Variants in DNAH3 observed in about 807,000 individuals in gnomAD.
The protein encoded by DNAH3 is axonemal beta dynein heavy chain 3.
In DNAH3, 332 loss-of-function variants were observed where a neutral mutation model predicts 432.5. That is an observed-to-expected ratio of 0.77 (90% CI 0.70 to 0.84). The LOEUF (loss-of-function observed/expected upper bound fraction) is 0.84, where lower values mean the gene tolerates loss of function less well. Among genes scored for constraint, DNAH3 ranks in the 40% least tolerant of loss-of-function variants. DNAH3 has a pLI of 0.00. For synonymous variants in DNAH3, 1,956 were observed against 1,900.2 expected (o/e 1.03, Z -0.76); for missense variants, 4,861 against 5,114.0 (o/e 0.95, Z 1.51).
chr16:20,936,375 C>T (rs111279554), intron 60 of DNAH3, among the ~76,000 whole-genome samples: 1 of 152,170 alleles, frequency 6.6e-6, no homozygotes, highest in African/African-American at 2.4e-5. Flanking sequence ...AGGCTGGTGT[C>T]GAACTCCTGA....
exon 47 of DNAH3, chr16:20,987,400 A>C (rs763857252): frequency 6.2e-7 from 1 of 1,614,232 alleles, no homozygotes; most frequent in Admixed American, 1.7e-5. Flanking sequence ...CGATCATAGA[A>C]GACCCGATAA....
intron 10 of DNAH3, 88 bp downstream of exon 11, chr16:21,121,856 CA>C: frequency 8.7e-7 from 1 of 1,147,866 alleles, no homozygotes; most frequent in South Asian, 1.7e-5. Context: ...CTGAATATCC[CA>C]GCGACCTGAC....
chr16:21,008,435 C>A (rs780298056), intron 41 of DNAH3, among the ~76,000 whole-genome samples: 2 of 151,850 alleles, frequency 1.3e-5, no homozygotes, highest in Non-Finnish European at 2.9e-5. Flanking sequence ...GAGCACTGTA[C>A]CCTCTCTCTG....
exon 53 of DNAH3, chr16:20,963,718 G>A (rs148148954): frequency 9.4e-5 from 152 of 1,614,038 alleles, no homozygotes; most frequent in Non-Finnish European, 1.1e-4. Context: ...CACCTCCTCC[G>A]TAATTTCCTT....
intron 44 of DNAH3, among the ~76,000 whole-genome samples, chr16:20,995,934 G>A (rs182078406): frequency 6.6e-6 from 1 of 152,326 alleles, no homozygotes; most frequent in East Asian, 1.9e-4. Context: ...TTCCTCTCAG[G>A]TCCATTCCTT....
intron 61 of DNAH3, 62 bp downstream of exon 61, chr16:20,935,278 CATAAGGAA>C: frequency 6.3e-7 from 1 of 1,580,488 alleles, no homozygotes; most frequent in East Asian, 2.2e-5. Context: ...TTTTTTGACT[CATAAGGAA>C]ATTGGCAACA....
At chr16:21,059,811 G>A (rs1281206149) in intron 26 of DNAH3, among the ~76,000 whole-genome samples, 3 of 151,500 alleles carry the variant, frequency 2.0e-5, no homozygotes, top group East Asian at 1.9e-4. Context: ...AGCTAGAGTC[G>A]CTCAACGTGA....
intron 21 of DNAH3, among the ~76,000 whole-genome samples, chr16:21,071,962 G>A (rs1220808962): frequency 1.3e-5 from 2 of 152,142 alleles, no homozygotes; most frequent in South Asian, 2.1e-4. Context: ...GATGTGCCCC[G>A]GGGCACCGCA....
At chr16:21,019,319 G>A (rs1190460057) in intron 41 of DNAH3, 2 of 348,624 alleles carry the variant, frequency 5.7e-6, no homozygotes, top group East Asian at 1.4e-4. Flanking sequence ...ACCACACCCA[G>A]CTAATTTTGT....
intron 7 of DNAH3, among the ~76,000 whole-genome samples, chr16:21,132,471 CAG>C (rs1337946594): frequency 1.3e-5 from 2 of 152,166 alleles, no homozygotes; most frequent in Non-Finnish European, 2.9e-5. Context: ...CTAAAAAAAC[CAG>C]AGTCTTCCAC....
At chr16:21,019,315 C>T in intron 41 of DNAH3, 1 of 343,156 alleles carries the variant, frequency 2.9e-6, no homozygotes, top group Non-Finnish European at 5.5e-6. Flanking sequence ...TGCCACCACA[C>T]CCAGCTAATT....
At chr16:20,950,396 G>A (rs2084259351) in intron 56 of DNAH3, among the ~76,000 whole-genome samples, 1 of 152,182 alleles carries the variant, frequency 6.6e-6, no homozygotes. Context: ...AGCATCCCTA[G>A]CCTCCACTAC....
intron 52 of DNAH3, among the ~76,000 whole-genome samples, 189 bp downstream of exon 52, chr16:20,969,603 G>A (rs1375423711): frequency 6.6e-6 from 1 of 152,240 alleles, no homozygotes; most frequent in African/African-American, 2.4e-5. Context: ...GACTGAGAGG[G>A]CGGAGGCCGC....
rs565938509 is a variant in DNAH3, at chr16:21,146,220, C to G, written c.118-132G>C. ...GTTCTGGACCTAAAACAAAACACTCCTCTCATTCCCATCCATTATGTATGT... is the reference window on the plus strand; with the variant it reads ...GTTCTGGACCTAAAACAAAACACTCGTCTCATTCCCATCCATTATGTATGT... On this transcript the variant is annotated intron_variant, in intron 1 of 61. Transcript: ENST00000261383. 5.7e-5 allele frequency: 35 copies of G among 612,432 alleles called. No individual in the cohort carries two copies. In the South Asian group the frequency reaches 6.4e-4, roughly 11 times the overall value. The allele number at this position is 612,432 out of a possible 1,614,324, so 37.9% of individuals were successfully genotyped here.
chr16:20,964,728 A>ACGGAT lies in DNAH3; in HGVS notation c.9151_9155dup (p.Ala3053SerfsTer30). On this transcript the variant is annotated frameshift_variant, in exon 53 of 62. Coordinates refer to ENST00000261383, the Ensembl canonical transcript of DNAH3. LOFTEE classifies it high-confidence loss of function. ...CGGGAAGCCCAGCAATCTGCCAGGC[A>ACGGAT]CGGATTTTTATGGGATCCCCTAACG... 1 of 1,614,144 alleles carries ACGGAT rather than the reference A, an allele frequency of 6.2e-7. No individual in the cohort carries two copies. Among genetic ancestry groups the ACGGAT allele is most frequent in the Non-Finnish European group, 8.5e-7 (1 of 1,180,036 alleles).
intron 57 of DNAH3, among the ~76,000 whole-genome samples, chr16:20,946,170 A>C (rs2084037318): frequency 1.3e-5 from 2 of 152,120 alleles, no homozygotes; most frequent in African/African-American, 4.8e-5. Flanking sequence ...GTCTGATAAG[A>C]AACATTTACA....
chr16:21,042,146 G>A (rs200483350), exon 32 of DNAH3: 34 of 1,613,012 alleles, frequency 2.1e-5, no homozygotes, highest in Admixed American at 1.0e-4. Context: ...TTTAGCTTCC[G>A]AATGATGGCT....
At chr16:20,967,454 T>C (rs1329262692) in intron 52 of DNAH3, among the ~76,000 whole-genome samples, 1 of 146,970 alleles carries the variant, frequency 6.8e-6, no homozygotes, top group Non-Finnish European at 1.5e-5. Flanking sequence ...CCCAGACCAA[T>C]GGAATGAGAC....
intron 11 of DNAH3, among the ~76,000 whole-genome samples, chr16:21,120,391 T>C (rs1185100829): frequency 1.3e-5 from 2 of 152,218 alleles, no homozygotes; most frequent in African/African-American, 4.8e-5. Flanking sequence ...TGAGCCACCA[T>C]GATTGACCTT....
Sources: allele counts gnomAD v4.1 joint callset (sites outside exome capture counted in the v4.1 genomes callset), GRCh38; gene constraint gnomAD v4.1.1; transcripts MANE v1.5; gene names NCBI Gene and HGNC (gene_info 2026-07-23, HGNC 2026-07-21).